DYNC2I1: variants seen among roughly 807,000 people sequenced by gnomAD.
DYNC2I1 encodes dynein 2 intermediate chain 1.
DYNC2I1 carries 89 observed loss-of-function variants against 133.4 expected under a neutral mutation model. That is an observed-to-expected ratio of 0.67 (90% CI 0.56 to 0.80). DYNC2I1 has a LOEUF of 0.80. Among genes scored for constraint, DYNC2I1 ranks in the 30% least tolerant of loss-of-function variants. DYNC2I1 has a pLI of 0.00. For missense variants in DYNC2I1, 1,291 were observed against 1,314.5 expected (o/e 0.98, Z 0.28); for synonymous variants, 504 against 484.3 (o/e 1.04, Z -0.54).
chr7:158,851,687 T>C (rs1841063978), upstream of DYNC2I1, among the ~76,000 whole-genome samples: 2 of 152,328 alleles, frequency 1.3e-5, no homozygotes, highest in South Asian at 4.1e-4. Context: ...ATAATGTCTC[T>C]TTATTAGAAA....
At chr7:158,934,072 A>G (rs969295516) in intron 21 of DYNC2I1, 57 bp from the exon 22 acceptor site, 2 of 1,215,250 alleles carry the variant, frequency 1.6e-6, no homozygotes, top group African/African-American at 1.5e-5. Context: ...TAATACCATC[A>G]TTATTCTTAA....
downstream of DYNC2I1, among the ~76,000 whole-genome samples, chr7:158,958,504 C>G (rs1256323842): frequency 6.6e-6 from 1 of 152,230 alleles, no homozygotes; most frequent in East Asian, 1.9e-4. Flanking sequence ...GTTTTTGTCT[C>G]TTGCCGACTT....
At chr7:158,858,706 A>G (rs1386374853) in intron 1 of DYNC2I1, among the ~76,000 whole-genome samples, 3 of 149,200 alleles carry the variant, frequency 2.0e-5, no homozygotes, top group Non-Finnish European at 4.5e-5. Context: ...TGATCTGGGA[A>G]TTCTTTCTCA....
chr7:158,869,779 A>C (rs1842717311), intron 1 of DYNC2I1, 76 bp from the exon 2 acceptor site: 3 of 1,139,380 alleles, frequency 2.6e-6, no homozygotes, highest in East Asian at 2.6e-5. Flanking sequence ...TTTAAATGGC[A>C]TAATGAAAAA....
rs1849198221 is a variant in DYNC2I1, at chr7:158,922,486, C to T, written c.2031C>T (p.Val677=). Residue 677 remains valine, a synonymous_variant, in exon 16 of 25, where the codon GTC becomes GTT. Transcript: ENST00000407559. The part of the protein sequence containing the change: ...SFVPLLDSKY[V]LCVWDIWQPS... ...TGCCCCTGCTGGACAGCAAATACGT[C>T]CTCTGTGTGTGGGATATTTGGCAGC... is the stretch of plus-strand genomic sequence containing the variant. 2 of 1,613,948 alleles carry T rather than the reference C, an allele frequency of 1.2e-6. No homozygotes were observed. Among genetic ancestry groups the T allele is most frequent in the Non-Finnish European group, 1.7e-6 (2 of 1,179,884 alleles).
At chr7:158,928,307 C>G (rs1461175091) in intron 20 of DYNC2I1, among the ~76,000 whole-genome samples, 1 of 151,220 alleles carries the variant, frequency 6.6e-6, no homozygotes, top group African/African-American at 2.4e-5. Flanking sequence ...TGGCCTCCCA[C>G]AACCCAGTTT....
chr7:158,896,140 G>A (rs1033813609), intron 8 of DYNC2I1, among the ~76,000 whole-genome samples: 1 of 152,112 alleles, frequency 6.6e-6, no homozygotes, highest in Admixed American at 6.5e-5. Flanking sequence ...ATGCTGACAC[G>A]GAGTGGTGAG....
At chr7:158,940,290 C>CTGTGA (rs1851212807) in intron 23 of DYNC2I1, among the ~76,000 whole-genome samples, 1 of 152,128 alleles carries the variant, frequency 6.6e-6, no homozygotes, top group African/African-American at 2.4e-5. Flanking sequence ...GCCTAGATCC[C>CTGTGA]TCGCATACAC....
chr7:158,952,930 G>A (rs145074017), intron 4 of DYNC2I1, among the ~76,000 whole-genome samples: 23 of 152,310 alleles, frequency 1.5e-4, no homozygotes, highest in African/African-American at 1.9e-4. Flanking sequence ...TGCTGTGCAC[G>A]GTGGTGAGTC....
chr7:158,893,884 C>T (rs1410425539), intron 8 of DYNC2I1, among the ~76,000 whole-genome samples: 1 of 151,226 alleles, frequency 6.6e-6, no homozygotes, highest in Admixed American at 6.6e-5. Flanking sequence ...CATATCGTAA[C>T]ACATGTCACA....
intron 4 of DYNC2I1, among the ~76,000 whole-genome samples, 191 bp from the exon 5 acceptor site, chr7:158,879,493 A>G (rs899131492): frequency 1.6e-4 from 24 of 152,120 alleles, no homozygotes; most frequent in African/African-American, 5.8e-4. Flanking sequence ...ATGAGATGCA[A>G]ATAGTTGTTA....
intron 14 of DYNC2I1, among the ~76,000 whole-genome samples, chr7:158,915,988 T>C (rs1848197625): frequency 2.7e-5 from 3 of 111,924 alleles, no homozygotes; most frequent in African/African-American, 1.1e-4. Flanking sequence ...TTGTGAAACG[T>C]CGACACGCTG....
chr7:158,848,841 G>A, the DYNC2I1 span, among the ~76,000 whole-genome samples: 102 of 152,066 alleles, frequency 6.7e-4, no homozygotes, highest in African/African-American at 2.4e-3. Context: ...GGAGAATGGC[G>A]TGAATCGCGA....
intron 11 of DYNC2I1, among the ~76,000 whole-genome samples, chr7:158,909,873 A>G (rs1847218424): frequency 6.6e-6 from 1 of 152,146 alleles, no homozygotes. Context: ...TTCTGATAAA[A>G]CATCCTAGGT....
At position 158,922,313 on chromosome 7, in the gene DYNC2I1, G is replaced by A; in HGVS notation, c.1922-64G>A. The A allele has an allele frequency of 3.3e-6, 5 of 1,516,766 alleles. No homozygotes were observed. In the Admixed American group the frequency reaches 5.5e-5, roughly 17 times the overall value. The allele number at this position is 1,516,766 out of a possible 1,614,324, so 94.0% of individuals were successfully genotyped here. A position where few individuals can be genotyped will look rare whatever the true frequency, so the allele number is the denominator to read the frequency against. On this transcript the variant is annotated intron_variant, in intron 15 of 24. Transcript: ENST00000407559. ...AATTTTTTTTTGAGTATTCGGAAGTGTGTTAAATTTAACTTGGATTCTGGC... is the reference window on the plus strand; with the variant it reads ...AATTTTTTTTTGAGTATTCGGAAGTATGTTAAATTTAACTTGGATTCTGGC...
At chr7:158,944,707 G>A (rs1248602599) in intron 24 of DYNC2I1, among the ~76,000 whole-genome samples, 1 of 152,176 alleles carries the variant, frequency 6.6e-6, no homozygotes, top group East Asian at 1.9e-4. Context: ...ACAAGGGCAG[G>A]GACCCTACCC....
In DYNC2I1 at chr7:158,901,778, G is replaced by C; in HGVS notation, c.1099G>C (p.Ala367Pro). 6.3e-7 allele frequency: 1 copy of C among 1,583,816 alleles called. No individual in the cohort carries two copies. Reference sequence around the variant, plus strand: ...AGAAACTGATTTAGAAAATGCTAGAGCTGATGCATATACAGCCAGTTGTGA... The same window carrying C: ...AGAAACTGATTTAGAAAATGCTAGACCTGATGCATATACAGCCAGTTGTGA... ...KEETDLENAR[A>P]DAYTASCEDD... is the part of the protein sequence containing the mutation. Residue 367 changes from alanine to proline, a missense_variant, in exon 9 of 25, where the codon GCT becomes CCT. Physicochemically the swap from Ala to Pro is conservative, Grantham distance 27. Coordinates refer to ENST00000407559, the MANE Select transcript of DYNC2I1 (RefSeq NM_018051.5).
intron 11 of DYNC2I1, among the ~76,000 whole-genome samples, chr7:158,908,685 G>A (rs1402641434): frequency 4.6e-5 from 7 of 152,138 alleles, no homozygotes; most frequent in Admixed American, 3.9e-4. Context: ...GCTTCAGCAG[G>A]GCCCAGGAGC....
intron 4 of DYNC2I1, among the ~76,000 whole-genome samples, chr7:158,879,360 C>G (rs1461935919): frequency 2.0e-5 from 3 of 151,934 alleles, no homozygotes; most frequent in Admixed American, 2.0e-4. Flanking sequence ...CCTCAGATAC[C>G]AAAATCCATG....
Sources: gnomAD v4.1 joint callset for allele counts (sites outside exome capture counted in the v4.1 genomes callset) on GRCh38, gnomAD v4.1.1 for gene constraint, MANE v1.5 for transcripts, NCBI Gene and HGNC (gene_info 2026-07-23, HGNC 2026-07-21) for gene names.